Variants in ADGRB3 observed in about 807,000 individuals in gnomAD.
The protein encoded by ADGRB3 is adhesion G protein-coupled receptor B3.
In ADGRB3, 37 loss-of-function variants were observed where a neutral mutation model predicts 193.4. The ratio of observed to expected loss-of-function variants is 0.19; its 90% CI spans 0.15 to 0.25. ADGRB3 has a LOEUF of 0.25. Among genes scored for constraint, ADGRB3 ranks in the 10% least tolerant of loss-of-function variants. The pLI is 1.00. For synonymous variants in ADGRB3, 690 were observed against 644.2 expected, an observed-to-expected ratio of 1.07 and a Z score of -1.08; for missense variants, 1,637 against 1,852.9, an observed-to-expected ratio of 0.88 and a Z score of 2.14.
At chr6:68,957,617 T>C (rs182912642) in intron 8 of ADGRB3, among the ~76,000 whole-genome samples, 157 of 152,344 alleles carry the variant, frequency 1.0e-3, no homozygotes, top group African/African-American at 3.6e-3. Flanking sequence ...GCAAGCTGAC[T>C]GATCTCTCTG....
At chr6:68,935,560 G>T (rs1481823343) in intron 4 of ADGRB3, among the ~76,000 whole-genome samples, 1 of 152,006 alleles carries the variant, frequency 6.6e-6, no homozygotes, top group Non-Finnish European at 1.5e-5. Flanking sequence ...TGACTAAATG[G>T]TTAACTTAAG....
chr6:68,918,229 T>C (rs1405655222), intron 3 of ADGRB3, among the ~76,000 whole-genome samples: 3 of 152,148 alleles, frequency 2.0e-5, no homozygotes, highest in African/African-American at 4.8e-5. Flanking sequence ...GGTTGGGATG[T>C]TGGGGGAAGA....
At chr6:69,354,531 G>A (rs886370972) in intron 27 of ADGRB3, among the ~76,000 whole-genome samples, 13 of 152,162 alleles carry the variant, frequency 8.5e-5, no homozygotes, top group Admixed American at 5.2e-4. Flanking sequence ...GCTCCCTGGG[G>A]TGTTGAGTGT....
At chr6:69,334,558 AC>A (rs1768802251) in intron 24 of ADGRB3, among the ~76,000 whole-genome samples, 1 of 152,224 alleles carries the variant, frequency 6.6e-6, no homozygotes, top group African/African-American at 2.4e-5. Flanking sequence ...TGAACGTAGT[AC>A]AAGCACAGCT....
chr6:69,039,048 C>T (rs1770954642), intron 13 of ADGRB3, among the ~76,000 whole-genome samples: 1 of 152,132 alleles, frequency 6.6e-6, no homozygotes, highest in African/African-American at 2.4e-5. Flanking sequence ...CCCACACTGT[C>T]TATTCTATGC....
At chr6:69,279,080 T>G (rs1390253014) in intron 20 of ADGRB3, among the ~76,000 whole-genome samples, 3 of 60,102 alleles carry the variant, frequency 5.0e-5, no homozygotes, top group African/African-American at 2.3e-4. Flanking sequence ...TGTATATATA[T>G]ATATATATAT....
At chr6:68,668,303 C>T (rs1322840238) in intron 3 of ADGRB3, among the ~76,000 whole-genome samples, 1 of 151,968 alleles carries the variant, frequency 6.6e-6, no homozygotes, top group African/African-American at 2.4e-5. Flanking sequence ...TAAGCTGAAA[C>T]TAAATCACAT....
Position 69,103,075 on chromosome 6 carries a change from T to C in ADGRB3, c.2480+27037T>C, listed in dbSNP as rs143370044. ...CTTGTTACCATGGTAATCTCAAAAT[T>C]AAAGTTTCAAAGTGTTCAAATGTTG... On this transcript the variant is annotated intron_variant, in intron 17 of 31. Transcript: ENST00000370598. Among the ~76,000 whole-genome samples the C allele has an allele frequency of 1.6e-3, 241 of 152,252 alleles. 3 individuals carry two copies. The highest frequency in any genetic ancestry group is 1.6e-3 in the Non-Finnish European group (110 of 68,008).
At chr6:68,945,275 T>C (rs1249382378) in intron 6 of ADGRB3, among the ~76,000 whole-genome samples, 1 of 152,122 alleles carries the variant, frequency 6.6e-6, no homozygotes, top group Non-Finnish European at 1.5e-5. Flanking sequence ...TAAAATTTTA[T>C]TAATTCTGTG....
intron 3 of ADGRB3, among the ~76,000 whole-genome samples, chr6:68,787,526 C>G (rs1767001352): frequency 6.6e-6 from 1 of 152,104 alleles, no homozygotes; most frequent in Non-Finnish European, 1.5e-5. Flanking sequence ...GGTGGATAAG[C>G]TTTTTGATGT....
chr6:69,015,389 A>C (rs1235722294), intron 12 of ADGRB3, among the ~76,000 whole-genome samples: 3 of 151,966 alleles, frequency 2.0e-5, no homozygotes, highest in African/African-American at 7.2e-5. Flanking sequence ...CTATATTCTT[A>C]TATTTAAAAT....
intron 3 of ADGRB3, among the ~76,000 whole-genome samples, chr6:68,796,185 A>G (rs929037498): frequency 6.6e-6 from 1 of 152,088 alleles, no homozygotes; most frequent in Non-Finnish European, 1.5e-5. Flanking sequence ...AAAATAATAT[A>G]TATCTATAAA....
chr6:68,881,177 G>GTTT (rs11396551), intron 3 of ADGRB3, among the ~76,000 whole-genome samples: 1 of 149,414 alleles, frequency 6.7e-6, no homozygotes. Context: ...TCCTTATAAA[G>GTTT]TTTTTTTTTT....
intron 17 of ADGRB3, among the ~76,000 whole-genome samples, chr6:69,127,877 G>C (rs1773896233): frequency 6.9e-6 from 1 of 145,594 alleles, no homozygotes; most frequent in African/African-American, 2.5e-5. Flanking sequence ...ACAGAGCAAA[G>C]CTACAGCCAA....
intron 6 of ADGRB3, among the ~76,000 whole-genome samples, chr6:68,954,040 CTTTG>C (rs983505431): frequency 6.6e-6 from 1 of 151,966 alleles, no homozygotes; most frequent in African/African-American, 2.4e-5. Context: ...TGGTTAAATC[CTTTG>C]TTTATTTCTA....
intron 3 of ADGRB3, among the ~76,000 whole-genome samples, chr6:68,654,522 G>A (rs1471848631): frequency 6.6e-6 from 1 of 151,742 alleles, no homozygotes; most frequent in African/African-American, 2.4e-5. Context: ...TATGTATTGT[G>A]AAGAAAATCC....
chr6:69,139,370 G>C (rs1774249109), intron 17 of ADGRB3, among the ~76,000 whole-genome samples: 1 of 152,178 alleles, frequency 6.6e-6, no homozygotes, highest in Non-Finnish European at 1.5e-5. Flanking sequence ...AGTACAAAAA[G>C]TAACTGCTGA....
intron 20 of ADGRB3, among the ~76,000 whole-genome samples, chr6:69,249,665 CA>C (rs1334299610): frequency 2.0e-5 from 3 of 152,170 alleles, no homozygotes; most frequent in Non-Finnish European, 4.4e-5. Context: ...TATCCTATCT[CA>C]CCCTACCCTA....
chr6:69,040,685 AAAAAAAAAAAAAAAAAAAAAAAAAC>A (rs1771032067), intron 13 of ADGRB3, among the ~76,000 whole-genome samples: 1 of 138,030 alleles, frequency 7.2e-6, no homozygotes, highest in African/African-American at 2.7e-5. Flanking sequence ...CAAAAAAAAA[AAAAAAAAAAAAAAAAAAAAAAAAAC>A]AAACAAGAAT....
Sources: gnomAD v4.1 joint callset for allele counts (sites outside exome capture counted in the v4.1 genomes callset) on GRCh38, gnomAD v4.1.1 for gene constraint, MANE v1.5 for transcripts, NCBI Gene and HGNC (gene_info 2026-07-23, HGNC 2026-07-21) for gene names.